GATD1: variants seen among roughly 807,000 people sequenced by gnomAD.
GATD1 encodes the protein glutamine amidotransferase-like class 1 domain-containing protein 1.
In GATD1, 23 loss-of-function variants were observed where a neutral mutation model predicts 25.9. The observed-to-expected ratio is 0.89, with a 90% CI of 0.64 to 1.26. The LOEUF is 1.26. Among genes scored for constraint, GATD1 ranks in the 50% most tolerant of loss-of-function variants. The pLI is 0.00. For synonymous variants in GATD1, 177 were observed against 134.6 expected (o/e 1.31, Z -2.18); for missense variants, 347 against 312.5 (o/e 1.11, Z -0.83).
At position 777,417 on chromosome 11, in the gene GATD1, C is replaced by A; in HGVS notation, c.46G>T (p.Ala16Ser). The A allele has an allele frequency of 7.7e-7, 1 of 1,293,338 alleles. No homozygotes were observed. The highest frequency in any genetic ancestry group is 9.8e-7 in the Non-Finnish European group (1 of 1,019,380). The allele number at this position is 1,293,338 out of a possible 1,614,324, so 80.1% of individuals were successfully genotyped here. A position where few individuals can be genotyped will look rare whatever the true frequency, so the allele number is the denominator to read the frequency against. Residue 16 changes from alanine to serine, a missense_variant, in exon 1 of 8, where the codon GCC (alanine) becomes TCC (serine). Physicochemically the swap from Ala to Ser is moderately conservative, Grantham distance 99. Coordinates refer to ENST00000319863, the MANE Select transcript of GATD1 (RefSeq NM_182612.4). ...LPNRPACLLV[A>S]SGAAEGVSAQ... Reference sequence around the variant, plus strand: ...GCCTCACCTTCGGCGGCGCCGCTGGCCACGAGCAGACAGGCGGGCCTGTTA... The same window carrying A: ...GCCTCACCTTCGGCGGCGCCGCTGGACACGAGCAGACAGGCGGGCCTGTTA...
rs1247049801 is a variant in GATD1, at chr11:768,190, G to A, written c.*2707C>T. 6.6e-6 allele frequency: 1 copy of A among 151,810 alleles called. No homozygotes were observed. Among genetic ancestry groups the A allele is most frequent in the Non-Finnish European group, 1.5e-5 (1 of 68,020 alleles). 9.4% of individuals were successfully genotyped at this position (151,810 alleles called of 1,614,324 possible). A position where few individuals can be genotyped will look rare whatever the true frequency, so the allele number is the denominator to read the frequency against. ...TCTTATAGGAGCCCAAATGGACTAG[G>A]ACATTAAGACATGAGCTTGCCTGTA... On this transcript the variant is annotated 3_prime_UTR_variant, in exon 8 of 8. Coordinates refer to ENST00000319863, the MANE Select transcript of GATD1 (RefSeq NM_182612.4).
At chr11:771,976 C>G (rs996773402) in intron 5 of GATD1, among the ~76,000 whole-genome samples, 7 of 152,166 alleles carry the variant, frequency 4.6e-5, no homozygotes, top group Non-Finnish European at 7.4e-5. Context: ...TGTGGATCAG[C>G]CACTCCCACA....
chr11:773,770 G>GGGCT, intron 3 of GATD1, 141 bp from the exon 4 acceptor site: 1 of 712,432 alleles, frequency 1.4e-6, no homozygotes, highest in Non-Finnish European at 2.4e-6. Context: ...TTTCCTCCAT[G>GGGCT]GGCTACAGCT....
At chr11:771,540 G>T (rs1221836172) in intron 5 of GATD1, 114 bp from the exon 6 acceptor site, 2 of 1,428,340 alleles carry the variant, frequency 1.4e-6, no homozygotes, top group Admixed American at 3.0e-5. Flanking sequence ...GGGACCGGGG[G>T]TGTCACTGCT....
In GATD1 at chr11:770,670, GCCT is replaced by G. The variant is rs909231060; in HGVS notation, c.*224_*226del. 1.4e-6 allele frequency: 2 copies of G among 1,420,436 alleles called. No homozygotes were observed. The highest frequency in any genetic ancestry group is 2.9e-5 in the African/African-American group (2 of 69,670). 88.0% of individuals were successfully genotyped at this position (1,420,436 alleles called of 1,614,324 possible). On this transcript the variant is annotated 3_prime_UTR_variant, in exon 8 of 8. Coordinates refer to ENST00000319863, the MANE Select transcript of GATD1 (RefSeq NM_182612.4). ...TCCAGGCACGTGGGGTCTTTTCTCTGCCTCCTACCAGAGAACATGCAGGAGGAT... is the reference window on the plus strand; with the variant it reads ...TCCAGGCACGTGGGGTCTTTTCTCTGCCTACCAGAGAACATGCAGGAGGAT...
At position 770,114 on chromosome 11, in the gene GATD1, G is replaced by A. The variant is rs1863302245; in HGVS notation, c.*783C>T. The A allele has an allele frequency of 4.1e-6, 5 of 1,224,294 alleles. No individual in the cohort carries two copies. In the East Asian group the frequency reaches 1.6e-4, roughly 40 times the overall value. The allele number at this position is 1,224,294 out of a possible 1,614,324, so 75.8% of individuals were successfully genotyped here. A position where few individuals can be genotyped will look rare whatever the true frequency, so the allele number is the denominator to read the frequency against. On this transcript the variant is annotated 3_prime_UTR_variant, in exon 8 of 8. Coordinates refer to ENST00000319863, the MANE Select transcript of GATD1 (RefSeq NM_182612.4). ...CGCCCTAACCTGGGGCCAGGGGGCAGCCCGCTGGAGGGCCACAGCCCAGGC... is the reference window on the plus strand; with the variant it reads ...CGCCCTAACCTGGGGCCAGGGGGCAACCCGCTGGAGGGCCACAGCCCAGGC...
chr11:773,631 T>C lies in GATD1; in HGVS notation c.248-2A>G. 6.2e-7 allele frequency: 1 copy of C among 1,602,400 alleles called. No individual in the cohort carries two copies. Among genetic ancestry groups the C allele is most frequent in the Non-Finnish European group, 8.5e-7 (1 of 1,175,582 alleles). On this transcript the variant is annotated splice_acceptor_variant, in intron 3 of 7. Coordinates refer to ENST00000319863, the MANE Select transcript of GATD1 (RefSeq NM_182612.4). LOFTEE classifies it high-confidence loss of function. ...TCAGGAGGGCATGGTACCGGGCACC[T>C]GGGGGGAGACCACAAACCAGGTAGC...
chr11:773,023 G>A (rs1325753393), intron 4 of GATD1, among the ~76,000 whole-genome samples: 2 of 152,254 alleles, frequency 1.3e-5, no homozygotes, highest in African/African-American at 4.8e-5. Context: ...ACAAACAATT[G>A]CTGCCTGTCC....
Position 773,615 on chromosome 11 carries a change from C to T in GATD1, c.262G>A (p.Ala88Thr), listed in dbSNP as rs1863669283. 6.2e-7 allele frequency: 1 copy of T among 1,608,308 alleles called. No individual in the cohort carries two copies. The highest frequency in any genetic ancestry group is 8.5e-7 in the Non-Finnish European group (1 of 1,178,484). Reference protein sequence around the residue: ...LESIDGARYHALLIPSCPGAL... With the variant: ...LESIDGARYHTLLIPSCPGAL... ...CCAGGACAGCTGGGGATCAGGAGGG[C>T]ATGGTACCGGGCACCTGGGGGGAGA... Residue 88 changes from alanine (A) to threonine (T), a missense_variant, in exon 4 of 8, where the codon GCC (alanine) becomes ACC (threonine). Transcript: ENST00000319863.
chr11:772,659 G>C (rs1226244787), intron 4 of GATD1, 138 bp from the exon 5 acceptor site: 8 of 741,150 alleles, frequency 1.1e-5, no homozygotes, highest in African/African-American at 1.7e-5. Context: ...CTGGAAACTG[G>C]ACTCAGCACC....
rs1227866719 is a variant in GATD1, at chr11:767,354, G to C, written c.*3543C>G. 2 of 1,536,082 alleles carry C rather than the reference G, an allele frequency of 1.3e-6. No individual in the cohort carries two copies. The highest frequency in any genetic ancestry group is 1.7e-6 in the Non-Finnish European group (2 of 1,146,918). On this transcript the variant is annotated 3_prime_UTR_variant, in exon 8 of 8. Coordinates refer to ENST00000319863, the MANE Select transcript of GATD1 (RefSeq NM_182612.4). ...TGCTTTCCTCCTCTGCCCCAGCCTGGTGCTGCCCCAAGCCCTGCCCTGGCA... is the reference window on the plus strand; with the variant it reads ...TGCTTTCCTCCTCTGCCCCAGCCTGCTGCTGCCCCAAGCCCTGCCCTGGCA...
Position 777,434 on chromosome 11 carries a change from G to A in GATD1, c.29C>T (p.Pro10Leu), listed in dbSNP as rs1343035394. ...GCCGCTGGCCACGAGCAGACAGGCG[G>A]GCCTGTTAGGGAGCCGCTCGGACGC... MASERLPNR[P>L]ACLLVASGAA... The change falls in exon 1 of 8, where the codon CCC becomes CTC. Residue 10 changes from proline to leucine, a missense_variant. By Grantham distance (98) the Pro-to-Leu change is moderately conservative. Coordinates refer to ENST00000319863, the MANE Select transcript of GATD1 (RefSeq NM_182612.4). 3 of 1,269,348 alleles carry A rather than the reference G, an allele frequency of 2.4e-6. No homozygotes were observed. The highest frequency in any genetic ancestry group is 3.0e-6 in the Non-Finnish European group (3 of 1,007,566). 78.6% of individuals were successfully genotyped at this position (1,269,348 alleles called of 1,614,324 possible).
chr11:773,748 T>A, intron 3 of GATD1, 119 bp from the exon 4 acceptor site: 1 of 771,852 alleles, frequency 1.3e-6, no homozygotes, highest in Non-Finnish European at 2.1e-6. Flanking sequence ...CCTGGTGATG[T>A]CATCTGTCCC....
In GATD1 at chr11:768,457, G is replaced by A. The variant is rs1405403658; in HGVS notation, c.*2440C>T. On this transcript the variant is annotated 3_prime_UTR_variant, in exon 8 of 8. Coordinates refer to ENST00000319863, the MANE Select transcript of GATD1 (RefSeq NM_182612.4). ...GCCACTGCACTCCAGCCTGCCAACA[G>A]AGCAAGACTCCATCTCAAAAAAAAA... 3.5e-5 allele frequency: 5 copies of A among 143,754 alleles called. No homozygotes were observed. The highest frequency in any genetic ancestry group is 1.0e-4 in the African/African-American group (4 of 38,982). The allele number at this position is 143,754 out of a possible 1,614,324, so 8.9% of individuals were successfully genotyped here. A position where few individuals can be genotyped will look rare whatever the true frequency, so the allele number is the denominator to read the frequency against.
chr11:767,295 C>A lies in GATD1; in HGVS notation c.*3602G>T. 6.5e-7 allele frequency: 1 copy of A among 1,536,160 alleles called. No homozygotes were observed. The highest frequency in any genetic ancestry group is 1.2e-5 in the South Asian group (1 of 84,070). On this transcript the variant is annotated 3_prime_UTR_variant, in exon 8 of 8. Coordinates refer to ENST00000319863, the MANE Select transcript of GATD1 (RefSeq NM_182612.4). ...ACTGGTATATGGGGAAATCCTCACCCGCCCTCCGCTGCTCTTCTGGAGGTC... is the reference window on the plus strand; with the variant it reads ...ACTGGTATATGGGGAAATCCTCACCAGCCCTCCGCTGCTCTTCTGGAGGTC...
chr11:773,693 G>A lies in GATD1; in HGVS notation c.248-64C>T, dbSNP rs1034547598. 22 of 1,262,600 alleles carry A rather than the reference G, an allele frequency of 1.7e-5. No individual in the cohort carries two copies. The Admixed American group carries it at 4.4e-4, about 25-fold the overall frequency. 78.2% of individuals were successfully genotyped at this position (1,262,600 alleles called of 1,614,324 possible). A position where few individuals can be genotyped will look rare whatever the true frequency, so the allele number is the denominator to read the frequency against. On this transcript the variant is annotated intron_variant, in intron 3 of 7. Coordinates refer to ENST00000319863, the MANE Select transcript of GATD1 (RefSeq NM_182612.4). ...AAAGTGAGACTACCTGCAGGACCAG[G>A]CCCGAGTGCGTGGCCAGGACAGACC...
rs984794527 is a variant in GATD1, at chr11:777,421, G to A, written c.42C>T (p.Leu14=). The A allele has an allele frequency of 1.3e-4, 174 of 1,291,278 alleles. No individual in the cohort carries two copies. The highest frequency in any genetic ancestry group is 1.6e-4 in the Non-Finnish European group (166 of 1,018,552). 80.0% of individuals were successfully genotyped at this position (1,291,278 alleles called of 1,614,324 possible). A position where few individuals can be genotyped will look rare whatever the true frequency, so the allele number is the denominator to read the frequency against. Reference sequence around the variant, plus strand: ...CACCTTCGGCGGCGCCGCTGGCCACGAGCAGACAGGCGGGCCTGTTAGGGA... The same window carrying A: ...CACCTTCGGCGGCGCCGCTGGCCACAAGCAGACAGGCGGGCCTGTTAGGGA... The part of the protein sequence containing the change: ...ERLPNRPACL[L]VASGAAEGVS... The change falls in exon 1 of 8, where the codon CTC becomes CTT. Residue 14 remains leucine (L), a synonymous_variant. Transcript: ENST00000319863.
In GATD1 at chr11:770,218, C is replaced by G; in HGVS notation, c.*679G>C. 7.3e-7 allele frequency: 1 copy of G among 1,375,900 alleles called. No individual in the cohort carries two copies. The highest frequency in any genetic ancestry group is 1.8e-5 in the South Asian group (1 of 56,924). 85.2% of individuals were successfully genotyped at this position (1,375,900 alleles called of 1,614,324 possible). ...GGCCACTGTGCAAGGCCGTGGGGGA[C>G]AGCACTTTCCTATCATTGAGAATCT... On this transcript the variant is annotated 3_prime_UTR_variant, in exon 8 of 8. Coordinates refer to ENST00000319863, the MANE Select transcript of GATD1 (RefSeq NM_182612.4).
At chr11:776,914 G>A (rs118104171) in intron 1 of GATD1, 6,533 of 152,560 alleles carry the variant, frequency 0.043, 177 homozygotes, top group Non-Finnish European at 0.067. Context: ...CCAGGAGGGG[G>A]CTCCGGGTCT....
Sources: gnomAD v4.1 joint callset for allele counts (sites outside exome capture counted in the v4.1 genomes callset) on GRCh38, gnomAD v4.1.1 for gene constraint, MANE v1.5 for transcripts, NCBI Gene and HGNC (gene_info 2026-07-23, HGNC 2026-07-21) for gene names.